The following SPMIP2 variants were observed in gnomAD, a reference collection of about 807,000 sequenced individuals.
SPMIP2 encodes protein SPMIP2.
At chr4:159,043,547 C>A in the SPMIP2 span, among the ~76,000 whole-genome samples, 46,094 of 151,968 alleles carry the variant, frequency 0.3, 7,733 homozygotes, top group East Asian at 0.64. Context: ...CGGGGTTTCA[C>A]TGTGTTAGCC....
chr4:158,955,251 T>C, the SPMIP2 span, among the ~76,000 whole-genome samples: 1 of 152,228 alleles, frequency 6.6e-6, no homozygotes, highest in Non-Finnish European at 1.5e-5. Context: ...TACATCTATC[T>C]GCCTTGAAAA....
chr4:158,943,270 G>C, the SPMIP2 span, among the ~76,000 whole-genome samples: 1 of 152,270 alleles, frequency 6.6e-6, no homozygotes, highest in African/African-American at 2.4e-5. Flanking sequence ...ATGAGGTATA[G>C]CTATAATTTT....
the SPMIP2 span, among the ~76,000 whole-genome samples, chr4:159,049,518 C>T: frequency 1.3e-5 from 2 of 152,070 alleles, no homozygotes; most frequent in Non-Finnish European, 2.9e-5. Flanking sequence ...ACGCAGACAA[C>T]GTGTAATGAT....
At chr4:159,055,551 A>C in the SPMIP2 span, among the ~76,000 whole-genome samples, 66 of 152,142 alleles carry the variant, frequency 4.3e-4, no homozygotes, top group South Asian at 0.012. Flanking sequence ...CTCCAAAAAA[A>C]ATACGAAAAT....
At chr4:158,976,809 A>G in the SPMIP2 span, among the ~76,000 whole-genome samples, 4 of 151,776 alleles carry the variant, frequency 2.6e-5, no homozygotes, top group Admixed American at 6.6e-5. Context: ...CTACAGGCAC[A>G]CACCACCACG....
chr4:158,961,770 T>A, the SPMIP2 span, among the ~76,000 whole-genome samples: 1 of 152,134 alleles, frequency 6.6e-6, no homozygotes, highest in Non-Finnish European at 1.5e-5. Context: ...AACAATTTGT[T>A]ATCTAAAATA....
the SPMIP2 span, among the ~76,000 whole-genome samples, chr4:159,041,009 C>T: frequency 6.6e-6 from 1 of 152,176 alleles, no homozygotes; most frequent in Non-Finnish European, 1.5e-5. Flanking sequence ...TTGGTCTCAT[C>T]ATGCTTCCCC....
chr4:158,977,561 TTTTTTGAAGGG>T, the SPMIP2 span, among the ~76,000 whole-genome samples: 3 of 21,010 alleles, frequency 1.4e-4, no homozygotes, highest in African/African-American at 2.4e-4. Context: ...GATTCATTGA[TTTTTTGAAGGG>T]TTTTTTGTGT....
chr4:159,001,093 G>A, the SPMIP2 span, among the ~76,000 whole-genome samples: 1 of 152,168 alleles, frequency 6.6e-6, no homozygotes, highest in Non-Finnish European at 1.5e-5. Context: ...TTCAACAGTA[G>A]TTGTGTCATT....
the SPMIP2 span, among the ~76,000 whole-genome samples, chr4:158,943,896 G>A: frequency 1.8e-4 from 22 of 120,662 alleles, no homozygotes; most frequent in African/African-American, 6.7e-4. Context: ...TCGCTCTGTC[G>A]CCAGGCTGGA....
the SPMIP2 span, chr4:158,915,297 T>C: frequency 1.2e-6 from 2 of 1,613,580 alleles, no homozygotes; most frequent in African/African-American, 2.7e-5. Flanking sequence ...AGCACTCATA[T>C]GCCAGGCAAA....
At chr4:158,935,738 G>C in the SPMIP2 span, among the ~76,000 whole-genome samples, 3 of 152,180 alleles carry the variant, frequency 2.0e-5, no homozygotes, top group Admixed American at 2.0e-4. Flanking sequence ...CTGGGAAATG[G>C]GGTAAGAAGA....
chr4:159,043,864 T>C, the SPMIP2 span, among the ~76,000 whole-genome samples: 5 of 152,210 alleles, frequency 3.3e-5, no homozygotes, highest in Admixed American at 6.5e-5. Flanking sequence ...ACATAAGCTC[T>C]TAATATTTGC....
the SPMIP2 span, among the ~76,000 whole-genome samples, chr4:159,024,134 C>A: frequency 1.3e-5 from 2 of 152,178 alleles, no homozygotes; most frequent in African/African-American, 4.8e-5. Flanking sequence ...CTGTCCTTTC[C>A]AGAAATTATC....
chr4:159,015,390 A>G, the SPMIP2 span, among the ~76,000 whole-genome samples: 1 of 152,264 alleles, frequency 6.6e-6, no homozygotes, highest in African/African-American at 2.4e-5. Flanking sequence ...TTGTAGGAAT[A>G]GTTCAGTTTT....
chr4:158,945,511 G>A, the SPMIP2 span, among the ~76,000 whole-genome samples: 1 of 152,156 alleles, frequency 6.6e-6, no homozygotes, highest in African/African-American at 2.4e-5. Context: ...GAGACCATTT[G>A]GAATACAGTG....
the SPMIP2 span, among the ~76,000 whole-genome samples, chr4:159,030,461 A>C: frequency 1.4e-5 from 2 of 139,888 alleles, no homozygotes; most frequent in Admixed American, 1.5e-4. Flanking sequence ...GAGAAAGCAA[A>C]ATTTTATTTA....
the SPMIP2 span, among the ~76,000 whole-genome samples, chr4:159,079,970 A>G: frequency 6.6e-5 from 10 of 152,136 alleles, no homozygotes; most frequent in Non-Finnish European, 1.3e-4. Context: ...AATCCCACCT[A>G]CAGTCTCAAA....
At chr4:159,065,427 A>G in the SPMIP2 span, among the ~76,000 whole-genome samples, 1 of 152,140 alleles carries the variant, frequency 6.6e-6, no homozygotes, top group Non-Finnish European at 1.5e-5. Context: ...TTTAAAAACT[A>G]TTTTTCTTGG....
Sources: gnomAD v4.1 joint callset for allele counts (sites outside exome capture counted in the v4.1 genomes callset) on GRCh38, gnomAD v4.1.1 for gene constraint, MANE v1.5 for transcripts, NCBI Gene and HGNC (gene_info 2026-07-23, HGNC 2026-07-21) for gene names.